The following USP4 variants were observed in gnomAD, a reference collection of about 807,000 sequenced individuals.
The protein encoded by USP4 is ubiquitin carboxyl-terminal hydrolase 4.
Under a neutral mutation model 118.2 loss-of-function variants are expected in USP4, and 72 were observed. The observed-to-expected ratio is 0.61, with a 90% confidence interval of 0.50 to 0.74. The LOEUF (loss-of-function observed/expected upper bound fraction) is 0.74, where lower values mean the gene tolerates loss of function less well. USP4 is among the 30% of genes least tolerant of loss of function. The pLI is 0.00. For synonymous variants in USP4, 415 were observed against 440.4 expected, an observed-to-expected ratio of 0.94 and a Z score of 0.72; for missense variants, 1,037 against 1,185.7, an observed-to-expected ratio of 0.87 and a Z score of 1.84.
At chr3:49,324,020 TCA>T (rs1481391577) in intron 6 of USP4, among the ~76,000 whole-genome samples, 9 of 151,874 alleles carry the variant, frequency 5.9e-5, no homozygotes. Flanking sequence ...TTTTTTTGGG[TCA>T]GAGTCTTGCA....
At chr3:49,327,323 G>T (rs2047566697) in intron 3 of USP4, among the ~76,000 whole-genome samples, 1 of 152,094 alleles carries the variant, frequency 6.6e-6, no homozygotes, top group South Asian at 2.1e-4. Flanking sequence ...GGATCACAAG[G>T]TCAAGAGTTT....
Position 49,325,723 on chromosome 3 carries a change from G to T in USP4, c.483C>A (p.Thr161=). ...GACCCCAGCCCAGCCTCTCACCAAT[G>T]GTGTCTGCCTTGCTGAAATGGCAAC... ...VLSCHFSKAD[T]IATIEKEMRK... is the part of the protein sequence containing the mutation. Residue 161 remains threonine (T), a synonymous_variant, in exon 4 of 22, where the codon ACC becomes ACA. Transcript: ENST00000265560. The T allele has an allele frequency of 6.2e-7, 1 of 1,613,460 alleles. No individual in the cohort carries two copies. The highest frequency in any genetic ancestry group is 1.1e-5 in the South Asian group (1 of 91,034).
rs770092620 is a variant in USP4 at position 49,300,697 on chromosome 3, T to C, written c.1288-6A>G. On this transcript the variant is annotated splice_polypyrimidine_tract_variant and splice_region_variant and intron_variant, in intron 10 of 21. Transcript: ENST00000265560. The stretch of plus-strand genomic sequence containing the variant: ...CAGGCTTCCTTTGCCACCACCTGCG[T>C]CAAAGGGATAAACAGGACATTCTCA... 11 of 1,613,328 alleles carry C rather than the reference T, an allele frequency of 6.8e-6. No homozygotes were observed. The highest frequency in any genetic ancestry group is 9.3e-6 in the Non-Finnish European group (11 of 1,179,634).
chr3:49,317,409 G>C, intron 6 of USP4: 1 of 994,182 alleles, frequency 1.0e-6, no homozygotes, highest in South Asian at 1.4e-5. Flanking sequence ...GCTCCTCTAT[G>C]CATTTGACCA....
intron 6 of USP4, chr3:49,317,443 G>A (rs549139049): frequency 2.0e-5 from 17 of 844,738 alleles, no homozygotes; most frequent in Admixed American, 4.0e-5. Flanking sequence ...GTTCTGCAGC[G>A]CCATGCCCTG....
intron 15 of USP4, among the ~76,000 whole-genome samples, chr3:49,292,043 G>A (rs1322394882): frequency 2.6e-5 from 4 of 151,986 alleles, no homozygotes; most frequent in Non-Finnish European, 4.4e-5. Context: ...TCCTGACCTC[G>A]TGATCCGCCC....
chr3:49,306,036 C>T (rs952443786), intron 8 of USP4, 148 bp from the exon 9 acceptor site: 3 of 784,128 alleles, frequency 3.8e-6, no homozygotes, highest in Non-Finnish European at 5.6e-6. Context: ...CAGTAAAGCA[C>T]AGCCTCAAGG....
chr3:49,327,427 T>A (rs2047568519), intron 3 of USP4, among the ~76,000 whole-genome samples: 1 of 151,952 alleles, frequency 6.6e-6, no homozygotes, highest in Admixed American at 6.6e-5. Flanking sequence ...TCCCAGCTAC[T>A]CAGGAGGCTG....
At chr3:49,315,892 A>T (rs1395717419) in intron 6 of USP4, among the ~76,000 whole-genome samples, 1 of 152,170 alleles carries the variant, frequency 6.6e-6, no homozygotes, top group East Asian at 1.9e-4. Context: ...TGCTGCTCTG[A>T]GGATGAATCT....
chr3:49,299,254 T>A (rs1455857826), intron 11 of USP4, among the ~76,000 whole-genome samples: 1 of 151,096 alleles, frequency 6.6e-6, no homozygotes, highest in South Asian at 2.1e-4. Flanking sequence ...CACGCCTGGA[T>A]AATTTTTGTA....
At position 49,311,449 on chromosome 3, in the gene USP4, C is replaced by T. The variant is rs184685169; in HGVS notation, c.836+65G>A. 3.8e-5 allele frequency: 59 copies of T among 1,570,228 alleles called. No individual in the cohort carries two copies. In the African/African-American group the frequency reaches 5.4e-4, roughly 14 times the overall value. On this transcript the variant is annotated intron_variant, in intron 7 of 21. Transcript: ENST00000265560. ...TATGCTTAGTGGAGCAGCAGATGAG[C>T]TCTCAAGATACAGCCTGGGAAAGGA...
chr3:49,335,667 CT>C, intron 1 of USP4, 71 bp from the exon 2 acceptor site: 3 of 1,574,692 alleles, frequency 1.9e-6, no homozygotes, highest in Non-Finnish European at 2.6e-6. Context: ...CTTCCTTAAT[CT>C]TTTTTATGGT....
At position 49,292,608 on chromosome 3, in the gene USP4, G is replaced by A; in HGVS notation, c.1884-10C>T. 6.5e-7 allele frequency: 1 copy of A among 1,543,140 alleles called. No individual in the cohort carries two copies. Among genetic ancestry groups the A allele is most frequent in the Non-Finnish European group, 8.7e-7 (1 of 1,143,172 alleles). Reference sequence around the variant, plus strand: ...CTGTTTCACATAGCGGCTTCAAAAAGAGAAAAAGAGAAGAAAAAAAAGATT... The same window carrying A: ...CTGTTTCACATAGCGGCTTCAAAAAAAGAAAAAGAGAAGAAAAAAAAGATT... On this transcript the variant is annotated splice_polypyrimidine_tract_variant and intron_variant, in intron 14 of 21. Coordinates refer to ENST00000265560, the MANE Select transcript of USP4 (RefSeq NM_003363.4).
intron 6 of USP4, among the ~76,000 whole-genome samples, chr3:49,319,802 AG>A (rs565853683): frequency 6.6e-6 from 1 of 151,884 alleles, no homozygotes; most frequent in Non-Finnish European, 1.5e-5. Context: ...TTTAGTAGAT[AG>A]GGGGGTCTCG....
At chr3:49,337,360 T>G (rs1417014030) in intron 1 of USP4, among the ~76,000 whole-genome samples, 1 of 152,234 alleles carries the variant, frequency 6.6e-6, no homozygotes, top group Non-Finnish European at 1.5e-5. Flanking sequence ...ATTGTTCATC[T>G]TGTCAAAAAG....
intron 14 of USP4, among the ~76,000 whole-genome samples, chr3:49,292,810 A>G (rs1210423658): frequency 6.6e-6 from 1 of 152,176 alleles, no homozygotes; most frequent in Admixed American, 6.5e-5. Flanking sequence ...CAGGTGGATC[A>G]CCTGAGGTCA....
intron 15 of USP4, 151 bp from the exon 16 acceptor site, chr3:49,286,476 CAT>C: frequency 1.3e-6 from 1 of 783,306 alleles, no homozygotes; most frequent in South Asian, 1.9e-5. Context: ...CTTGAATTCA[CAT>C]GTGACTCTCA....
intron 10 of USP4, 152 bp downstream of exon 10, chr3:49,302,232 T>G: frequency 1.4e-6 from 1 of 705,594 alleles, no homozygotes; most frequent in East Asian, 2.9e-5. Context: ...TTAGCCCCTT[T>G]CTGACCAGAG....
At chr3:49,331,325 A>C (rs1378986580) in intron 2 of USP4, among the ~76,000 whole-genome samples, 1 of 152,094 alleles carries the variant, frequency 6.6e-6, no homozygotes, top group African/African-American at 2.4e-5. Flanking sequence ...GACTCAAAAA[A>C]AAAAAAATCG....
Sources: allele counts gnomAD v4.1 joint callset (sites outside exome capture counted in the v4.1 genomes callset), GRCh38; gene constraint gnomAD v4.1.1; transcripts MANE v1.5; gene names NCBI Gene and HGNC (gene_info 2026-07-23, HGNC 2026-07-21).